NHSL1: variants seen among roughly 807,000 people sequenced by gnomAD.
NHSL1 encodes NHS-like protein 1.
In NHSL1, 48 loss-of-function variants were observed where a neutral mutation model predicts 95.0. The observed-to-expected ratio is 0.51, with a 90% CI of 0.40 to 0.64. The LOEUF is 0.64. Ranked by LOEUF, NHSL1 falls within the 30% of genes least tolerant of loss-of-function variation. NHSL1 has a pLI of 0.00. For missense variants in NHSL1, 1,971 were observed against 2,077.7 expected (o/e 0.95, Z 1.00); for synonymous variants, 783 against 833.9 (o/e 0.94, Z 1.05).
Position 138,432,925 on chromosome 6 carries a change from C to T in NHSL1, c.1420G>A (p.Gly474Ser), listed in dbSNP as rs970461572. Residue 474 changes from glycine to serine, a missense_variant, in exon 6 of 8, where the codon GGC (glycine) becomes AGC (serine). Physicochemically the swap from Gly to Ser is moderately conservative, Grantham distance 56. Coordinates refer to ENST00000343505, the MANE Select transcript of NHSL1 (RefSeq NM_001144060.2). The surrounding 1 kb of genome is among the most constrained non-coding windows in gnomAD (Gnocchi z 4.4). ...PQSPGRHWNE[G>S]HATILSQDLD... ...TCCTGTGAAAGAATGGTGGCATGGCCCTCATTCCAGTGGCGACCGGGAGAC... is the reference window on the plus strand; with the variant it reads ...TCCTGTGAAAGAATGGTGGCATGGCTCTCATTCCAGTGGCGACCGGGAGAC... 5 of 1,551,430 alleles carry T rather than the reference C, an allele frequency of 3.2e-6. No individual in the cohort carries two copies. The highest frequency in any genetic ancestry group is 1.2e-5 in the South Asian group (1 of 84,068).
chr6:138,684,526 T>C (rs886215952), intron 1 of NHSL1, among the ~76,000 whole-genome samples: 1 of 151,874 alleles, frequency 6.6e-6, no homozygotes, highest in South Asian at 2.1e-4. Flanking sequence ...GCGCCTGTAA[T>C]CCCAGCTACT....
At chr6:138,518,691 C>A (rs1245580251) in intron 1 of NHSL1, among the ~76,000 whole-genome samples, 3 of 152,106 alleles carry the variant, frequency 2.0e-5, no homozygotes, top group Non-Finnish European at 4.4e-5. Flanking sequence ...GAAATCCAAG[C>A]ACTGACATAG....
intron 1 of NHSL1, among the ~76,000 whole-genome samples, chr6:138,512,981 G>T (rs1313729893): frequency 6.6e-6 from 1 of 152,114 alleles, no homozygotes; most frequent in Non-Finnish European, 1.5e-5. Flanking sequence ...TTCGTGCTCT[G>T]CCATCAGTTA....
intron 4 of NHSL1, among the ~76,000 whole-genome samples, chr6:138,445,624 T>C (rs955554035): frequency 1.3e-5 from 2 of 152,206 alleles, no homozygotes; most frequent in Non-Finnish European, 2.9e-5. Context: ...CTAAATGTAA[T>C]TTCTAAATAT....
intron 1 of NHSL1, among the ~76,000 whole-genome samples, chr6:138,563,492 G>T (rs753639008): frequency 6.6e-6 from 1 of 152,144 alleles, no homozygotes; most frequent in South Asian, 2.1e-4. Context: ...GTCTACACTA[G>T]GATAAAGACA....
rs1051789759 is a variant in NHSL1, at chr6:138,657,814, C to CAAA, written c.96+34659_96+34661dup. On this transcript the variant is annotated intron_variant, in intron 1 of 3. Coordinates refer to the NHSL1 transcript ENST00000491526. ...TGGGCGACAGAGCGAGACTCCATCT[C>CAAA]AAAAAAAAAAAAAAAAAAAAAAGAA... 3.3e-3 allele frequency among the ~76,000 whole-genome samples: 108 copies of CAAA among 32,804 alleles called. 1 individual carries two copies. The highest frequency in any genetic ancestry group is 6.7e-3 in the African/African-American group (63 of 9,336). 21.5% of individuals were successfully genotyped at this position (32,804 alleles called of 152,430 possible). A position where few individuals can be genotyped will look rare whatever the true frequency, so the allele number is the denominator to read the frequency against.
chr6:138,525,001 G>T lies in NHSL1; in HGVS notation c.16+20622C>A, dbSNP rs148120440. ...GGCTGAAAGGATCTTGAAAGGATATGTGTAAGTGGCAAATGGGCGGCTACG... is the reference window on the plus strand; with the variant it reads ...GGCTGAAAGGATCTTGAAAGGATATTTGTAAGTGGCAAATGGGCGGCTACG... On this transcript the variant is annotated intron_variant, in intron 1 of 4. Transcript: ENST00000342260. Among the ~76,000 whole-genome samples, 664 of 152,278 alleles carry T rather than the reference G, an allele frequency of 4.4e-3. 29 individuals are homozygous for T. The highest frequency in any genetic ancestry group is 0.039 in the Admixed American group (599 of 15,292).
chr6:138,580,409 C>T (rs754090068), intron 1 of NHSL1, among the ~76,000 whole-genome samples: 1 of 152,140 alleles, frequency 6.6e-6, no homozygotes, highest in Non-Finnish European at 1.5e-5. Context: ...GTAATTTCTT[C>T]GGGATGAGAT....
rs775853965 is a variant in NHSL1 at position 138,431,764 on chromosome 6, C to T, written c.2581G>A (p.Ala861Thr). 9.7e-6 allele frequency: 15 copies of T among 1,551,614 alleles called. No individual in the cohort carries two copies. The highest frequency in any genetic ancestry group is 3.9e-5 in the Admixed American group (2 of 50,994). ...AAAAACACAGGCACAGGGGTGAGTG[C>T]TGTGGGTGTATTCGACTGGCTGGAA... is the stretch of plus-strand genomic sequence containing the variant. ...GYSSQSNTPT[A>T]LTPVPVFLKS... The change falls in exon 6 of 8, where the codon GCA becomes ACA. Residue 861 changes from alanine to threonine, a missense_variant. Ala to Thr is a moderately conservative substitution (Grantham distance 58). Coordinates refer to ENST00000343505, the MANE Select transcript of NHSL1 (RefSeq NM_001144060.2). The surrounding 1 kb of genome is among the most constrained non-coding windows in gnomAD (Gnocchi z 4.0).
intron 3 of NHSL1, among the ~76,000 whole-genome samples, chr6:138,455,292 T>C (rs778707730): frequency 4.3e-4 from 66 of 152,126 alleles, no homozygotes; most frequent in Non-Finnish European, 6.9e-4. Flanking sequence ...TGAGACCAAG[T>C]AGCACTTAAA....
intron 1 of NHSL1, among the ~76,000 whole-genome samples, chr6:138,530,676 G>A (rs1351819985): frequency 6.6e-6 from 1 of 152,160 alleles, no homozygotes; most frequent in East Asian, 1.9e-4. Flanking sequence ...AGCAACTCAG[G>A]GATGGAAAAC....
chr6:138,633,157 G>C (rs1039158847), intron 1 of NHSL1, among the ~76,000 whole-genome samples: 3 of 151,938 alleles, frequency 2.0e-5, no homozygotes, highest in African/African-American at 7.2e-5. Flanking sequence ...ACACAGAGGA[G>C]ACAAAAGAAT....
In NHSL1 at chr6:138,423,833, A is replaced by C; in HGVS notation, c.*248T>G. On this transcript the variant is annotated 3_prime_UTR_variant, in exon 8 of 8. Coordinates refer to ENST00000343505, the MANE Select transcript of NHSL1 (RefSeq NM_001144060.2). ...CATTTAGCAAAAAAAAAAAAAAAAAAAAAAAATCTTCCCCGGGAAGCACTT... is the reference window on the plus strand; with the variant it reads ...CATTTAGCAAAAAAAAAAAAAAAAACAAAAAATCTTCCCCGGGAAGCACTT... 1 of 333,106 alleles carries C rather than the reference A, an allele frequency of 3.0e-6. No homozygotes were observed. The highest frequency in any genetic ancestry group is 5.4e-6 in the Non-Finnish European group (1 of 185,754). 20.6% of individuals were successfully genotyped at this position (333,106 alleles called of 1,614,324 possible).
intron 1 of NHSL1, among the ~76,000 whole-genome samples, chr6:138,517,278 T>C (rs1452812522): frequency 6.6e-6 from 1 of 152,222 alleles, no homozygotes; most frequent in East Asian, 1.9e-4. Context: ...GGATGAATAT[T>C]TCAGTTCCTG....
At chr6:138,613,561 G>A (rs1379779007) in intron 1 of NHSL1, among the ~76,000 whole-genome samples, 1 of 152,156 alleles carries the variant, frequency 6.6e-6, no homozygotes, top group Non-Finnish European at 1.5e-5. Flanking sequence ...GCAGCAAGTG[G>A]AGAGCTGGAA....
At chr6:138,596,098 G>A (rs961169573) in intron 1 of NHSL1, among the ~76,000 whole-genome samples, 8 of 152,176 alleles carry the variant, frequency 5.3e-5, no homozygotes, top group Admixed American at 3.9e-4. Flanking sequence ...GGCATAGAAA[G>A]GTAATGGTCT....
chr6:138,662,765 C>A (rs903929433), intron 1 of NHSL1, among the ~76,000 whole-genome samples: 1 of 151,530 alleles, frequency 6.6e-6, no homozygotes, highest in Non-Finnish European at 1.5e-5. Flanking sequence ...TGAACAAGAT[C>A]TGATAAAGAA....
chr6:138,457,377 A>G (rs942255192), intron 3 of NHSL1, among the ~76,000 whole-genome samples: 4 of 152,196 alleles, frequency 2.6e-5, no homozygotes, highest in African/African-American at 9.7e-5. Flanking sequence ...ATAACATAAC[A>G]CATAGAGTCC....
At chr6:138,631,797 G>A (rs1784823071) in intron 1 of NHSL1, among the ~76,000 whole-genome samples, 1 of 152,110 alleles carries the variant, frequency 6.6e-6, no homozygotes, top group Non-Finnish European at 1.5e-5. Context: ...TCTCAGCTGT[G>A]GTGGCTAAGG....
Sources: gnomAD v4.1 joint callset for allele counts (sites outside exome capture counted in the v4.1 genomes callset) on GRCh38, gnomAD v4.1.1 for gene constraint, Gnocchi (gnomAD v3.1) non-coding constraint, MANE v1.5 for transcripts, NCBI Gene and HGNC (gene_info 2026-07-23, HGNC 2026-07-21) for gene names.